The following KIF1B variants were observed in gnomAD, a reference collection of about 807,000 sequenced individuals.
KIF1B encodes the protein kinesin-like protein KIF1B.
Under a neutral mutation model 241.9 loss-of-function variants are expected in KIF1B, and 76 were observed. The observed-to-expected ratio is 0.31, with a 90% confidence interval of 0.26 to 0.38. The LOEUF (loss-of-function observed/expected upper bound fraction) is 0.38, where lower values mean the gene tolerates loss of function less well. KIF1B is among the 10% of genes least tolerant of loss of function. The probability of loss-of-function intolerance (pLI) is 1.00; values close to 1 mark genes in which losing one functional copy is unlikely to be tolerated. For synonymous variants in KIF1B, 750 were observed against 796.7 expected (o/e 0.94, Z 0.99); for missense variants, 1,622 against 2,271.4 (o/e 0.71, Z 5.81).
chr1:10,211,254 C>T (rs558116181), intron 1 of KIF1B, among the ~76,000 whole-genome samples: 4 of 152,262 alleles, frequency 2.6e-5, no homozygotes, highest in Non-Finnish European at 5.9e-5. Flanking sequence ...CATCGTTTCT[C>T]ATTTTCCCTC....
chr1:10,265,026 T>G (rs912546790), intron 5 of KIF1B, among the ~76,000 whole-genome samples: 2 of 151,756 alleles, frequency 1.3e-5, no homozygotes, highest in Non-Finnish European at 2.9e-5. Flanking sequence ...TGGAGTGCAG[T>G]GGTGCAAACA....
intron 6 of KIF1B, 152 bp from the exon 7 acceptor site, chr1:10,268,000 G>C (rs1250467908): frequency 1.4e-6 from 1 of 696,818 alleles, no homozygotes; most frequent in Non-Finnish European, 2.6e-6. Context: ...AGGCAGTATT[G>C]AGAGCAATTG....
rs1483132142 is a variant in KIF1B, at chr1:10,337,048, T to C, written c.3130-26T>C. On this transcript the variant is annotated intron_variant, in intron 29 of 48. Coordinates refer to ENST00000676179, the MANE Select transcript of KIF1B (RefSeq NM_001365951.3). The surrounding 1 kb of genome is among the most constrained non-coding windows in gnomAD (Gnocchi z 4.0). ...AATACGTTTTTATACTACTTTACCA[T>C]GTATCTGCCCCTGCCTTTTTTTCAG... 6.2e-7 allele frequency: 1 copy of C among 1,614,140 alleles called. No homozygotes were observed. The highest frequency in any genetic ancestry group is 1.1e-5 in the South Asian group (1 of 91,054).
At chr1:10,273,934 C>CTTTTTTTTT (rs35845856) in intron 10 of KIF1B, among the ~76,000 whole-genome samples, 1 of 116,814 alleles carries the variant, frequency 8.6e-6, no homozygotes, top group Non-Finnish European at 1.7e-5. Context: ...TTAGTAGCTT[C>CTTTTTTTTT]TTTTTTTTTT....
chr1:10,370,806 A>G (rs2102357647), intron 44 of KIF1B, among the ~76,000 whole-genome samples: 1 of 151,872 alleles, frequency 6.6e-6, no homozygotes, highest in South Asian at 2.1e-4. Context: ...CTTTTTTGAA[A>G]ATATTTTCAC....
At chr1:10,280,274 C>T (rs1199863386) in intron 14 of KIF1B, among the ~76,000 whole-genome samples, 2 of 151,052 alleles carry the variant, frequency 1.3e-5, no homozygotes, top group Admixed American at 6.6e-5. Flanking sequence ...CTTGCTTTGT[C>T]GCTAGGCTGG....
chr1:10,359,903 C>G (rs1392491865), intron 38 of KIF1B, among the ~76,000 whole-genome samples: 1 of 151,794 alleles, frequency 6.6e-6, no homozygotes, highest in Non-Finnish European at 1.5e-5. Flanking sequence ...CGTAGTGGTG[C>G]GTGCCTATAA....
At chr1:10,301,167 A>C (rs1650523678) in intron 22 of KIF1B, among the ~76,000 whole-genome samples, 1 of 152,200 alleles carries the variant, frequency 6.6e-6, no homozygotes. Flanking sequence ...AAACAAAGAA[A>C]CAAACAAAAA....
intron 16 of KIF1B, 99 bp from the exon 17 acceptor site, chr1:10,291,948 A>G: frequency 1.1e-6 from 1 of 938,500 alleles, no homozygotes; most frequent in Non-Finnish European, 1.8e-6. Flanking sequence ...AAACATGGCC[A>G]GTTGTTTTTG....
chr1:10,328,667 A>T (rs1651809834), intron 27 of KIF1B, among the ~76,000 whole-genome samples: 1 of 152,222 alleles, frequency 6.6e-6, no homozygotes, highest in Non-Finnish European at 1.5e-5. Context: ...CTAATTACAC[A>T]GTTTCTAAAA....
intron 4 of KIF1B, 58 bp from the exon 5 acceptor site, chr1:10,261,847 A>C: frequency 9.3e-7 from 1 of 1,077,270 alleles, no homozygotes; most frequent in South Asian, 1.2e-5. Flanking sequence ...GCACGCGTGG[A>C]TGACTTAGTA....
At chr1:10,361,527 C>CT (rs1443476745) in intron 39 of KIF1B, among the ~76,000 whole-genome samples, 165 bp from the exon 40 acceptor site, 4 of 152,176 alleles carry the variant, frequency 2.6e-5, no homozygotes, top group Non-Finnish European at 5.9e-5. Context: ...GGAGTACTAC[C>CT]TACTCTTGCA....
chr1:10,323,948 C>T lies in KIF1B; in HGVS notation c.2423C>T (p.Pro808Leu). 1.9e-6 allele frequency: 3 copies of T among 1,614,080 alleles called. No individual in the cohort carries two copies. Among genetic ancestry groups the T allele is most frequent in the Non-Finnish European group, 1.7e-6 (2 of 1,179,948 alleles). ...LYSPLPPELLPTEMEKTHEDR... is the reference protein window; with the variant it reads ...LYSPLPPELLLTEMEKTHEDR... ...TCCCCTTTGCCTCCTGAATTACTTC[C>T]CACTGAGATGGAAAAAACTCATGAG... The change falls in exon 25 of 49, where the codon CCC (proline) becomes CTC (leucine). Residue 808 changes from proline (P) to leucine (L), a missense_variant. By Grantham distance (98) the Pro-to-Leu change is moderately conservative (BLOSUM62 -3). Transcript: ENST00000676179.
At chr1:10,372,144 C>T (rs912175870) in intron 45 of KIF1B, among the ~76,000 whole-genome samples, 1 of 152,096 alleles carries the variant, frequency 6.6e-6, no homozygotes, top group Admixed American at 6.6e-5. Context: ...ATTTAGGATG[C>T]CACAGACTGT....
At chr1:10,284,202 G>A (rs1351236466) in intron 15 of KIF1B, among the ~76,000 whole-genome samples, 2 of 151,964 alleles carry the variant, frequency 1.3e-5, no homozygotes, top group Non-Finnish European at 1.5e-5. Flanking sequence ...TTGTACTGCT[G>A]CACTCCAGCC....
Position 10,297,203 on chromosome 1 carries a change from A to G in KIF1B, c.2072A>G (p.Lys691Arg). 9.9e-6 allele frequency: 16 copies of G among 1,613,476 alleles called. No individual in the cohort carries two copies. Among genetic ancestry groups the G allele is most frequent in the Non-Finnish European group, 1.3e-5 (15 of 1,179,802 alleles). ...CAGGAAATGGAGATCTTATACAAAA[A>G]GGAGAAGGAAGAAGCAGATCTTCTT... ...RLQEMEILYKKEKEEADLLLE... is the reference protein window; with the variant it reads ...RLQEMEILYKREKEEADLLLE... The change falls in exon 22 of 49, where the codon AAG (lysine) becomes AGG (arginine). Residue 691 changes from lysine to arginine, a missense_variant. By Grantham distance (26) the Lys-to-Arg change is conservative. Coordinates refer to ENST00000676179, the MANE Select transcript of KIF1B (RefSeq NM_001365951.3).
intron 23 of KIF1B, among the ~76,000 whole-genome samples, chr1:10,320,363 C>T (rs1035971409): frequency 5.3e-5 from 8 of 152,150 alleles, no homozygotes; most frequent in East Asian, 1.9e-4. Flanking sequence ...GACCTTCGCA[C>T]GGTTTCTGAG....
At chr1:10,342,264 A>G in intron 33 of KIF1B, 96 bp downstream of exon 33, 1 of 840,262 alleles carries the variant, frequency 1.2e-6, no homozygotes, top group East Asian at 2.4e-5. Context: ...GGATTAAGAT[A>G]ACTAAATAAG....
In KIF1B at chr1:10,349,434, C is replaced by CAA. The variant is rs35456826; in HGVS notation, c.3949+711_3949+712dup. The stretch of plus-strand genomic sequence containing the variant: ...TGGACAACAGAGTGGGACTCCGTCT[C>CAA]AAAAAAAAAAAGAAAAGAAAAATCT... On this transcript the variant is annotated intron_variant, in intron 37 of 48. Coordinates refer to ENST00000676179, the MANE Select transcript of KIF1B (RefSeq NM_001365951.3). Among the ~76,000 whole-genome samples the CAA allele has an allele frequency of 4.8e-4, 68 of 141,976 alleles. 1 individual carries two copies. Among genetic ancestry groups the CAA allele is most frequent in the East Asian group, 2.8e-3 (14 of 4,916 alleles). The allele number at this position is 141,976 out of a possible 152,430, so 93.1% of individuals were successfully genotyped here.
Sources: gnomAD v4.1 joint callset for allele counts (sites outside exome capture counted in the v4.1 genomes callset) on GRCh38, gnomAD v4.1.1 for gene constraint, Gnocchi (gnomAD v3.1) non-coding constraint, MANE v1.5 for transcripts, NCBI Gene and HGNC (gene_info 2026-07-23, HGNC 2026-07-21) for gene names.